Variants in CLUL1 observed in about 807,000 individuals in gnomAD.
The protein encoded by CLUL1 is clusterin like 1, also known as clusterin-like protein 1.
CLUL1 carries 43 observed loss-of-function variants against 49.4 expected under a neutral mutation model. The observed-to-expected ratio is 0.87, with a 90% CI of 0.68 to 1.12. CLUL1 has a LOEUF of 1.12. Among genes scored for constraint, CLUL1 ranks in the 50% most tolerant of loss-of-function variants. The pLI, the probability that CLUL1 is intolerant of heterozygous loss-of-function variation, is 0.00. For synonymous variants in CLUL1, 192 were observed against 184.9 expected (o/e 1.04, Z -0.31); for missense variants, 486 against 544.4 (o/e 0.89, Z 1.07).
intron 2 of CLUL1, chr18:613,172 C>T: frequency 2.2e-6 from 1 of 453,212 alleles, no homozygotes; most frequent in Middle Eastern, 5.6e-4. Flanking sequence ...GAGTCTTGCT[C>T]TCGTTGCCCA....
At chr18:630,562 CAG>C (rs1238823539) in intron 6 of CLUL1, among the ~76,000 whole-genome samples, 2 of 150,914 alleles carry the variant, frequency 1.3e-5, no homozygotes, top group African/African-American at 4.9e-5. Flanking sequence ...ACCTTGAAGA[CAG>C]AGGAAGGGGC....
intron 8 of CLUL1, among the ~76,000 whole-genome samples, chr18:642,127 C>T (rs748270399): frequency 3.3e-5 from 5 of 152,136 alleles, no homozygotes; most frequent in Non-Finnish European, 7.3e-5. Flanking sequence ...ATATGTTACT[C>T]GTCACATAAA....
rs753466551 is a variant in CLUL1 at position 627,251 on chromosome 18, C to A, written c.578C>A (p.Ser193Tyr). Residue 193 changes from serine (S) to tyrosine (Y), a missense_variant, in exon 6 of 10, where the codon TCT becomes TAT. By Grantham distance (144) the Ser-to-Tyr change is moderately radical. Coordinates refer to ENST00000692774, the MANE Select transcript of CLUL1 (RefSeq NM_001393344.1). ...VFSQLTVDVN[S>Y]LFNRSFNVFR... The stretch of plus-strand genomic sequence containing the variant: ...AGCCAGTTGACTGTGGATGTGAATT[C>A]TCTCTTTAACAGGAGTTTTAACGTC... 1 of 1,614,012 alleles carries A rather than the reference C, an allele frequency of 6.2e-7. No individual in the cohort carries two copies. Among genetic ancestry groups the A allele is most frequent in the South Asian group, 1.1e-5 (1 of 91,070 alleles).
At chr18:602,785 A>T (rs1403979953) in intron 1 of CLUL1, among the ~76,000 whole-genome samples, 1 of 152,196 alleles carries the variant, frequency 6.6e-6, no homozygotes, top group East Asian at 1.9e-4. Context: ...GATAAGAAAC[A>T]AAGGGGAGAA....
In CLUL1 at chr18:624,899, A is replaced by G. The variant is rs1044027908; in HGVS notation, c.290A>G (p.His97Arg). 1.2e-6 allele frequency: 2 copies of G among 1,614,176 alleles called. No individual in the cohort carries two copies. The highest frequency in any genetic ancestry group is 1.7e-6 in the Non-Finnish European group (2 of 1,180,006). ...ALKLLNEVQE[H>R]LEEEERLCRE... ...AAACTTCTGAATGAAGTTCAAGAACATCTGGAGGAAGAAGAAAGGCTATGC... is the reference window on the plus strand; with the variant it reads ...AAACTTCTGAATGAAGTTCAAGAACGTCTGGAGGAAGAAGAAAGGCTATGC... Residue 97 changes from histidine (H) to arginine (R), a missense_variant, in exon 5 of 10, where the codon CAT becomes CGT. Coordinates refer to ENST00000692774, the MANE Select transcript of CLUL1 (RefSeq NM_001393344.1).
intron 7 of CLUL1, among the ~76,000 whole-genome samples, chr18:635,846 G>A (rs1292790346): frequency 1.3e-5 from 2 of 152,036 alleles, no homozygotes; most frequent in Non-Finnish European, 2.9e-5. Context: ...AAGCGATTCT[G>A]CTGCCTCAGC....
At chr18:604,470 A>G (rs1398441380) in intron 1 of CLUL1, among the ~76,000 whole-genome samples, 1 of 152,236 alleles carries the variant, frequency 6.6e-6, no homozygotes, top group Non-Finnish European at 1.5e-5. Context: ...CATAAGTAGT[A>G]AAAAGTAACC....
chr18:637,664 C>A (rs2144148337), intron 7 of CLUL1, among the ~76,000 whole-genome samples: 1 of 152,206 alleles, frequency 6.6e-6, no homozygotes, highest in East Asian at 1.9e-4. Context: ...GCGGGGTTAC[C>A]TAGAGCAGTT....
chr18:649,665 C>A, intron 9 of CLUL1: 1 of 443,010 alleles, frequency 2.3e-6, no homozygotes, highest in Non-Finnish European at 4.0e-6. Flanking sequence ...AGGAAAAGAC[C>A]ATCTTAGAGG....
intron 7 of CLUL1, among the ~76,000 whole-genome samples, chr18:637,456 T>C (rs1489880379): frequency 2.6e-5 from 4 of 152,178 alleles, no homozygotes; most frequent in African/African-American, 9.7e-5. Flanking sequence ...TCCCCCTTCT[T>C]TTGAAAGCAG....
rs549911888 is a variant in CLUL1, at chr18:605,605, A to G, written c.-135-1373A>G. 2.0e-5 allele frequency among the ~76,000 whole-genome samples: 3 copies of G among 152,304 alleles called. No homozygotes were observed. The South Asian group carries it at 6.2e-4, about 32-fold the overall frequency. ...GAAAAAAGAAAATGATAAAGGATACATATCAGGAAAACATGCATGGTATTT... is the reference window on the plus strand; with the variant it reads ...GAAAAAAGAAAATGATAAAGGATACGTATCAGGAAAACATGCATGGTATTT... On this transcript the variant is annotated intron_variant, in intron 1 of 9. Transcript: ENST00000692774.
At chr18:604,519 GTTTAT>G (rs1468392836) in intron 1 of CLUL1, among the ~76,000 whole-genome samples, 2 of 152,162 alleles carry the variant, frequency 1.3e-5, no homozygotes, top group Admixed American at 1.3e-4. Flanking sequence ...CACAAAAAGA[GTTTAT>G]TTTGTTTCAT....
chr18:614,648 T>C (rs566663718), intron 2 of CLUL1: 5 of 152,384 alleles, frequency 3.3e-5, no homozygotes, highest in African/African-American at 1.2e-4. Flanking sequence ...TGGATCTCAG[T>C]TGAGGAGAAC....
In CLUL1 at chr18:645,810, AATATATATATATATAT is replaced by A. The variant is rs35329822; in HGVS notation, c.1397+740_1397+755del. Among the ~76,000 whole-genome samples, 17 of 29,872 alleles carry A rather than the reference AATATATATATATATAT, an allele frequency of 5.7e-4. 2 individuals are homozygous for A. Among genetic ancestry groups the A allele is most frequent in the Non-Finnish European group, 7.0e-4 (12 of 17,112 alleles). 19.6% of individuals were successfully genotyped at this position (29,872 alleles called of 152,430 possible). ...CTCTGTTTAAAAAAAAAAAAAAAAAAATATATATATATATATATATATATATATATATATATATATA... is the reference window on the plus strand; with the variant it reads ...CTCTGTTTAAAAAAAAAAAAAAAAAAATATATATATATATATATATATATA... On this transcript the variant is annotated intron_variant, in intron 9 of 9. Coordinates refer to ENST00000692774, the MANE Select transcript of CLUL1 (RefSeq NM_001393344.1).
chr18:597,397 CG>C (rs1598404281), intron 1 of CLUL1, among the ~76,000 whole-genome samples: 1 of 152,116 alleles, frequency 6.6e-6, no homozygotes, highest in Admixed American at 6.5e-5. Flanking sequence ...GAGGTAGAGG[CG>C]GGGAGACACA....
intron 2 of CLUL1, among the ~76,000 whole-genome samples, chr18:607,505 T>G (rs1792533577): frequency 6.6e-6 from 1 of 152,172 alleles, no homozygotes; most frequent in African/African-American, 2.4e-5. Flanking sequence ...GCAATCACGA[T>G]TCAGTGCGGC....
chr18:600,482 C>G (rs1023702388), intron 1 of CLUL1, among the ~76,000 whole-genome samples: 2 of 152,160 alleles, frequency 1.3e-5, no homozygotes, highest in Non-Finnish European at 2.9e-5. Context: ...GTAGTTGTGT[C>G]TGTATATTTC....
Position 633,436 on chromosome 18 carries a change from G to A in CLUL1, c.994+1G>A, listed in dbSNP as rs1020195333. The A allele has an allele frequency of 6.2e-7, 1 of 1,611,058 alleles. No individual in the cohort carries two copies. Among genetic ancestry groups the A allele is most frequent in the African/African-American group, 1.3e-5 (1 of 74,852 alleles). ...AAATGTCAGGCTCACCTATCTGAAG[G>A]TAAATAATTGCTATTTTGTTTTTTA... On this transcript the variant is annotated splice_donor_variant, in intron 7 of 9. Transcript: ENST00000692774. LOFTEE classifies it high-confidence loss of function.
intron 9 of CLUL1, among the ~76,000 whole-genome samples, chr18:647,298 C>G (rs2074535531): frequency 6.6e-6 from 1 of 152,100 alleles, no homozygotes; most frequent in African/African-American, 2.4e-5. Context: ...AAAGTGGTCC[C>G]CTCCCACTGT....
Sources: gnomAD v4.1 joint callset for allele counts (sites outside exome capture counted in the v4.1 genomes callset) on GRCh38, gnomAD v4.1.1 for gene constraint, MANE v1.5 for transcripts, NCBI Gene and HGNC (gene_info 2026-07-23, HGNC 2026-07-21) for gene names.